The following HMGXB3 variants were observed in gnomAD, a reference collection of about 807,000 sequenced individuals.
The protein encoded by HMGXB3 is HMG domain-containing protein 3.
HMGXB3 carries 45 observed loss-of-function variants against 121.5 expected under a neutral mutation model. That is an observed-to-expected ratio of 0.37 (90% confidence interval 0.29 to 0.47). The LOEUF is 0.47. Among genes scored for constraint, HMGXB3 ranks in the 20% least tolerant of loss-of-function variants. The probability of loss-of-function intolerance (pLI) is 0.99; values close to 1 mark genes in which losing one functional copy is unlikely to be tolerated. For synonymous variants in HMGXB3, 590 were observed against 624.1 expected, an observed-to-expected ratio of 0.95 and a Z score of 0.81; for missense variants, 1,376 against 1,602.2, an observed-to-expected ratio of 0.86 and a Z score of 2.41.
In HMGXB3 at chr5:150,024,427, G is replaced by T; in HGVS notation, c.1207G>T (p.Val403Leu). 1.3e-6 allele frequency: 2 copies of T among 1,551,720 alleles called. No homozygotes were observed. Among genetic ancestry groups the T allele is most frequent in the South Asian group, 1.2e-5 (1 of 84,062 alleles). Reference sequence around the variant, plus strand: ...GGAAGCTGTAAGCCAGCTCCTGAACGTAGCTCCTCCCAGAGAAGTAGGTGA... The same window carrying T: ...GGAAGCTGTAAGCCAGCTCCTGAACTTAGCTCCTCCCAGAGAAGTAGGTGA... ...NSEAVSQLLN[V>L]APPREVGEES... Residue 403 changes from valine to leucine, a missense_variant, in exon 7 of 20, where the codon GTA becomes TTA. Coordinates refer to ENST00000502717, the MANE Select transcript of HMGXB3 (RefSeq NM_014983.3).
chr5:150,040,723 C>A (rs1188673212), intron 13 of HMGXB3, 25 bp from the exon 14 acceptor site: 1 of 1,547,316 alleles, frequency 6.5e-7, no homozygotes, highest in Non-Finnish European at 8.7e-7. Context: ...CATTAATTTC[C>A]TTGTTGCCTC....
intron 15 of HMGXB3, among the ~76,000 whole-genome samples, chr5:150,042,939 G>T (rs1756671958): frequency 6.6e-6 from 1 of 152,188 alleles, no homozygotes; most frequent in African/African-American, 2.4e-5. Flanking sequence ...GACATTTGAT[G>T]TAAGAGAAGA....
At chr5:150,022,265 T>A (rs1756115001) in intron 6 of HMGXB3, among the ~76,000 whole-genome samples, 3 of 152,188 alleles carry the variant, frequency 2.0e-5, no homozygotes, top group African/African-American at 7.2e-5. Flanking sequence ...AAGCTCCAAG[T>A]GTGTTTGTGC....
Position 150,047,536 on chromosome 5 carries a change from C to T in HMGXB3, c.2951-88C>T, listed in dbSNP as rs116819026. The T allele has an allele frequency of 3.8e-4, 568 of 1,486,598 alleles. 1 individual carries two copies. The African/African-American group carries it at 7.2e-3, about 19-fold the overall frequency. The allele number at this position is 1,486,598 out of a possible 1,614,324, so 92.1% of individuals were successfully genotyped here. ...GGGGGAGGGCTTGGTGCAGAGCTGG[C>T]TTCCACTGTTTGCTGTTTTGTGGGC... On this transcript the variant is annotated intron_variant, in intron 16 of 19. Coordinates refer to ENST00000502717, the MANE Select transcript of HMGXB3 (RefSeq NM_014983.3).
chr5:150,026,125 C>T (rs547435538), intron 7 of HMGXB3, among the ~76,000 whole-genome samples: 36 of 149,566 alleles, frequency 2.4e-4, no homozygotes, highest in African/African-American at 8.8e-4. Flanking sequence ...CTACCGCGCC[C>T]GGCCCCATCT....
At chr5:150,040,643 C>T (rs1756607700) in intron 13 of HMGXB3, 105 bp from the exon 14 acceptor site, 3 of 1,180,046 alleles carry the variant, frequency 2.5e-6, no homozygotes, top group Non-Finnish European at 3.5e-6. Context: ...CTCCCAAGTG[C>T]CTGCAACTAC....
chr5:150,001,746 A>G (rs1755575138), intron 1 of HMGXB3, among the ~76,000 whole-genome samples: 1 of 152,180 alleles, frequency 6.6e-6, no homozygotes, highest in South Asian at 2.1e-4. Context: ...AGAACAGGGT[A>G]ATAAAACAAA....
rs1235165655 is a variant in HMGXB3, at chr5:150,047,628, T to A, written c.2955T>A (p.Ser985Arg). ...KNLDVQPVPG[S>R]GSALVRLLQE... is the part of the protein sequence containing the mutation. Reference sequence around the variant, plus strand: ...CAGCACTGTTGTCTCTTGCAGGCAGTGGCAGTGCCTTGGTGAGGCTGCTCC... The same window carrying A: ...CAGCACTGTTGTCTCTTGCAGGCAGAGGCAGTGCCTTGGTGAGGCTGCTCC... Residue 985 changes from serine (S) to arginine (R), a missense_variant, in exon 17 of 20, where the codon AGT becomes AGA. By Grantham distance (110) the Ser-to-Arg change is moderately radical (BLOSUM62 -1). Coordinates refer to ENST00000502717, the MANE Select transcript of HMGXB3 (RefSeq NM_014983.3). 1.3e-6 allele frequency: 2 copies of A among 1,551,496 alleles called. No individual in the cohort carries two copies. The highest frequency in any genetic ancestry group is 1.4e-5 in the African/African-American group (1 of 73,054).
At chr5:150,039,528 AATTTGTTGT>A (rs1756577071) in intron 13 of HMGXB3, among the ~76,000 whole-genome samples, 1 of 151,980 alleles carries the variant, frequency 6.6e-6, no homozygotes, top group Admixed American at 6.6e-5. Flanking sequence ...ATAATCAGGT[AATTTGTTGT>A]ATTTCTTTGT....
At chr5:150,010,035 A>C in intron 3 of HMGXB3, 76 bp from the exon 4 acceptor site, 1 of 1,398,302 alleles carries the variant, frequency 7.2e-7, no homozygotes, top group Non-Finnish European at 9.6e-7. Context: ...ACATATATAT[A>C]TATCTTTCTC....
chr5:150,025,899 C>T (rs112581805), intron 7 of HMGXB3, among the ~76,000 whole-genome samples: 1 of 151,824 alleles, frequency 6.6e-6, no homozygotes, highest in Admixed American at 6.6e-5. Flanking sequence ...GGCGCCATCT[C>T]GTCTCACTGC....
At chr5:150,051,496 A>C (rs796280827) in intron 19 of HMGXB3, among the ~76,000 whole-genome samples, 12 of 152,292 alleles carry the variant, frequency 7.9e-5, no homozygotes, top group African/African-American at 2.6e-4. Flanking sequence ...CGGGGGCAAT[A>C]ATAGCATAAG....
At chr5:150,005,189 T>C (rs1044374867) in intron 2 of HMGXB3, among the ~76,000 whole-genome samples, 200 bp downstream of exon 2, 14 of 152,252 alleles carry the variant, frequency 9.2e-5, no homozygotes, top group Non-Finnish European at 1.5e-4. Flanking sequence ...TTTCAAGTTG[T>C]CACAGGAAAT....
rs1465228651 is a variant in HMGXB3 at position 150,052,059 on chromosome 5, A to G, written c.3746A>G (p.His1249Arg). The change falls in exon 20 of 20, where the codon CAT (histidine) becomes CGT (arginine). Residue 1249 changes from histidine (H) to arginine (R), a missense_variant. Physicochemically the swap from His to Arg is conservative, Grantham distance 29. This residue lies in a region of HMGXB3 where 260 missense variants were observed against 233.2 expected (regional missense o/e 1.11). Transcript: ENST00000502717. ...CGCGAAATTGTCAATCGTCAGATCC[A>G]TGACATTGTACAGAGCTGCCAGCCT... ...TSREIVNRQI[H>R]DIVQSCQPGE... 3.9e-6 allele frequency: 6 copies of G among 1,551,800 alleles called. No individual in the cohort carries two copies. The highest frequency in any genetic ancestry group is 5.2e-6 in the Non-Finnish European group (6 of 1,147,062).
chr5:150,004,659 A>T (rs1755654936), intron 1 of HMGXB3, among the ~76,000 whole-genome samples, 192 bp from the exon 2 acceptor site: 1 of 152,212 alleles, frequency 6.6e-6, no homozygotes, highest in Non-Finnish European at 1.5e-5. Flanking sequence ...ATTCTGCTCC[A>T]GGAGGGCTGA....
chr5:150,030,229 T>C (rs952847148), intron 9 of HMGXB3: 1 of 152,316 alleles, frequency 6.6e-6, no homozygotes, highest in African/African-American at 2.4e-5. Context: ...ATCCCAGCAC[T>C]TTGGGAGGCT....
intron 4 of HMGXB3, 119 bp downstream of exon 4, chr5:150,010,727 G>T: frequency 1.0e-6 from 1 of 968,014 alleles, no homozygotes. Flanking sequence ...GGCACTTACT[G>T]ATACTGCAGT....
At chr5:150,051,163 C>A (rs1276338896) in intron 19 of HMGXB3, among the ~76,000 whole-genome samples, 1 of 152,214 alleles carries the variant, frequency 6.6e-6, no homozygotes, top group Non-Finnish European at 1.5e-5. Flanking sequence ...GCCCTTGTCT[C>A]TGTGTCTTGG....
chr5:150,026,096 C>G (rs997820747), intron 7 of HMGXB3, among the ~76,000 whole-genome samples: 1 of 152,188 alleles, frequency 6.6e-6, no homozygotes, highest in African/African-American at 2.4e-5. Context: ...TCCCAAAGTG[C>G]TGGGATTACA....
Sources: gnomAD v4.1 joint callset for allele counts (sites outside exome capture counted in the v4.1 genomes callset) on GRCh38, gnomAD v4.1.1 for gene constraint, gnomAD v4.1.1 regional missense constraint, MANE v1.5 for transcripts, NCBI Gene and HGNC (gene_info 2026-07-23, HGNC 2026-07-21) for gene names.